Variants in TMPRSS11B observed in about 807,000 individuals in gnomAD.
TMPRSS11B encodes transmembrane serine protease 11B.
TMPRSS11B carries 53 observed loss-of-function variants against 44.7 expected under a neutral mutation model. The observed-to-expected ratio is 1.19, with a 90% confidence interval of 0.95 to 1.49. The LOEUF (loss-of-function observed/expected upper bound fraction) is 1.49. Among genes scored for constraint, TMPRSS11B ranks in the 40% most tolerant of loss-of-function variants. The pLI is 0.00. For synonymous variants in TMPRSS11B, 140 were observed against 159.2 expected (o/e 0.88, Z 0.91); for missense variants, 526 against 494.8 (o/e 1.06, Z -0.60).
intron 1 of TMPRSS11B, among the ~76,000 whole-genome samples, chr4:68,243,989 T>C (rs139771147): frequency 2.9e-4 from 44 of 152,298 alleles, no homozygotes; most frequent in African/African-American, 9.9e-4. Flanking sequence ...TTTAAAGTAC[T>C]ATTTTATATC....
At chr4:68,230,308 T>C (rs1434388258) in intron 7 of TMPRSS11B, among the ~76,000 whole-genome samples, 1 of 152,204 alleles carries the variant, frequency 6.6e-6, no homozygotes, top group African/African-American at 2.4e-5. Flanking sequence ...TTACGTCAGA[T>C]GGATATGCTG....
At chr4:68,236,114 T>A in intron 3 of TMPRSS11B, 37 bp downstream of exon 3, 1 of 1,564,068 alleles carries the variant, frequency 6.4e-7, no homozygotes, top group Non-Finnish European at 8.7e-7. Context: ...TTCAATCAAA[T>A]TTATAATAAA....
At chr4:68,239,196 C>CG (rs1195070713) in intron 2 of TMPRSS11B, among the ~76,000 whole-genome samples, 1 of 152,172 alleles carries the variant, frequency 6.6e-6, no homozygotes, top group Non-Finnish European at 1.5e-5. Flanking sequence ...GGTTGAGACA[C>CG]GAATCCAATA....
chr4:68,229,153 T>A, intron 8 of TMPRSS11B, 104 bp downstream of exon 8: 1 of 1,224,258 alleles, frequency 8.2e-7, no homozygotes, highest in Admixed American at 2.3e-5. Context: ...TTCAGTATAT[T>A]TACTGATTGA....
At chr4:68,238,197 T>C (rs1171440296) in intron 2 of TMPRSS11B, among the ~76,000 whole-genome samples, 1 of 152,170 alleles carries the variant, frequency 6.6e-6, no homozygotes, top group African/African-American at 2.4e-5. Context: ...ACCCTGTAAG[T>C]TAGAAATAAT....
intron 3 of TMPRSS11B, 30 bp from the exon 4 acceptor site, chr4:68,236,099 T>A: frequency 6.4e-7 from 1 of 1,568,772 alleles, no homozygotes; most frequent in Non-Finnish European, 8.7e-7. Context: ...AGTCATCATG[T>A]ATGTTTCAAT....
chr4:68,242,657 C>A (rs566419387), intron 1 of TMPRSS11B, among the ~76,000 whole-genome samples: 3 of 150,896 alleles, frequency 2.0e-5, no homozygotes, highest in Non-Finnish European at 4.4e-5. Flanking sequence ...GTAACCTCTG[C>A]CCCACTGGGC....
intron 9 of TMPRSS11B, 140 bp from the exon 10 acceptor site, chr4:68,228,212 T>C (rs539022258): frequency 1.3e-6 from 1 of 780,626 alleles, no homozygotes; most frequent in Non-Finnish European, 1.9e-6. Context: ...CCTTAGGACT[T>C]TTTTTTAAAA....
intron 8 of TMPRSS11B, 38 bp from the exon 9 acceptor site, chr4:68,228,922 G>A (rs374888855): frequency 6.3e-7 from 1 of 1,591,210 alleles, no homozygotes. Flanking sequence ...GCAGATCTTA[G>A]ACTTTGCTGG....
chr4:68,228,541 G>T (rs76640369), intron 9 of TMPRSS11B, among the ~76,000 whole-genome samples: 8,182 of 152,244 alleles, frequency 0.054, 293 homozygotes, highest in African/African-American at 0.098. Context: ...TGAAAACTTC[G>T]TGAGGGCAGG....
At chr4:68,234,356 T>C in intron 5 of TMPRSS11B, 107 bp downstream of exon 5, 1 of 1,206,038 alleles carries the variant, frequency 8.3e-7, no homozygotes, top group Non-Finnish European at 1.1e-6. Context: ...GGTACGCATA[T>C]TTTTTTCCCG....
intron 2 of TMPRSS11B, among the ~76,000 whole-genome samples, chr4:68,240,548 A>G (rs1025311973): frequency 6.6e-6 from 1 of 152,138 alleles, no homozygotes; most frequent in Non-Finnish European, 1.5e-5. Flanking sequence ...GGGACCTGTT[A>G]AGATGCAAAC....
intron 1 of TMPRSS11B, among the ~76,000 whole-genome samples, chr4:68,244,564 G>A (rs577699650): frequency 7.9e-5 from 12 of 152,200 alleles, no homozygotes; most frequent in Non-Finnish European, 1.6e-4. Flanking sequence ...TCCATCACAG[G>A]GGAAAAAAAT....
intron 2 of TMPRSS11B, among the ~76,000 whole-genome samples, chr4:68,236,999 C>A (rs1197407898): frequency 6.6e-6 from 1 of 151,308 alleles, no homozygotes; most frequent in African/African-American, 2.4e-5. Context: ...GCAGATTTGT[C>A]ACATAGGTAT....
At chr4:68,233,184 T>C (rs886846174) in intron 5 of TMPRSS11B, among the ~76,000 whole-genome samples, 1 of 151,976 alleles carries the variant, frequency 6.6e-6, no homozygotes, top group Non-Finnish European at 1.5e-5. Flanking sequence ...TATCCCTCTT[T>C]CCCAAAAGCT....
intron 7 of TMPRSS11B, among the ~76,000 whole-genome samples, chr4:68,230,554 A>G (rs1719478431): frequency 6.6e-6 from 1 of 152,128 alleles, no homozygotes; most frequent in Non-Finnish European, 1.5e-5. Flanking sequence ...CTGTAATCCC[A>G]GCACTTTGGG....
chr4:68,245,665 C>A lies in TMPRSS11B; in HGVS notation c.-107G>T, dbSNP rs1173845414. 5 of 1,362,498 alleles carry A rather than the reference C, an allele frequency of 3.7e-6. No homozygotes were observed. Among genetic ancestry groups the A allele is most frequent in the East Asian group, 2.3e-5 (1 of 43,326 alleles). The allele number at this position is 1,362,498 out of a possible 1,614,324, so 84.4% of individuals were successfully genotyped here. A position where few individuals can be genotyped will look rare whatever the true frequency, so the allele number is the denominator to read the frequency against. ...GTAATAGTGATGACAAAAGTTAGAA[C>A]CTTCTGACGCAGCTTTTGACTTATG... On this transcript the variant is annotated 5_prime_UTR_variant, in exon 1 of 10. Coordinates refer to ENST00000332644, the MANE Select transcript of TMPRSS11B (RefSeq NM_182502.3).
rs766621393 is a variant in TMPRSS11B at position 68,245,573 on chromosome 4, T to A, written c.-15A>T. ...TACCTGTACATAATGTTCTGATTGT[T>A]ATGGCAGTATCAGGTATAACGGTGG... On this transcript the variant is annotated 5_prime_UTR_variant, in exon 1 of 10. Coordinates refer to ENST00000332644, the MANE Select transcript of TMPRSS11B (RefSeq NM_182502.3). 1.9e-6 allele frequency: 3 copies of A among 1,613,256 alleles called. No homozygotes were observed. In the African/African-American group the frequency reaches 4.0e-5, roughly 22 times the overall value.
In TMPRSS11B at chr4:68,228,844, A is replaced by ATT; in HGVS notation, c.986_987insAA (p.Asp331LeufsTer16). 6.2e-7 allele frequency: 1 copy of ATT among 1,613,808 alleles called. No individual in the cohort carries two copies. The highest frequency in any genetic ancestry group is 8.5e-7 in the Non-Finnish European group (1 of 1,179,874). ...AGGCATTGCAAATTTTGTTGTCAAT[A>ATT]ATCTTCAAAAAGTCTTCTTGAAGTA... On this transcript the variant is annotated frameshift_variant, in exon 9 of 10. Transcript: ENST00000332644. LOFTEE classifies it high-confidence loss of function.
Sources: allele counts gnomAD v4.1 joint callset (sites outside exome capture counted in the v4.1 genomes callset), GRCh38; gene constraint gnomAD v4.1.1; transcripts MANE v1.5; gene names NCBI Gene and HGNC (gene_info 2026-07-23, HGNC 2026-07-21).